EYS: variants seen among roughly 807,000 people sequenced by gnomAD.
EYS encodes the protein protein eyes shut homolog.
EYS carries 250 observed loss-of-function variants against 282.1 expected under a neutral mutation model. That is an observed-to-expected ratio of 0.89 (90% CI 0.80 to 0.98). The LOEUF (loss-of-function observed/expected upper bound fraction) is 0.98, where lower values mean the gene tolerates loss of function less well. Among genes scored for constraint, EYS ranks in the 50% least tolerant of loss-of-function variants. The pLI, the probability that EYS is intolerant of heterozygous loss-of-function variation, is 0.00. For synonymous variants in EYS, 1,355 were observed against 1,282.9 expected (o/e 1.06, Z -1.20); for missense variants, 4,016 against 3,709.0 (o/e 1.08, Z -2.15).
At position 64,398,382 on chromosome 6, in the gene EYS, C is replaced by A. The variant is rs976613060; in HGVS notation, c.5928-9542G>T. On this transcript the variant is annotated intron_variant, in intron 28 of 42. Coordinates refer to ENST00000503581, the MANE Select transcript of EYS (RefSeq NM_001142800.2). ...TCCTGTAAATTATTCTCTTTTAATT[C>A]TTTGAAATATGTTGACTCAGGCTGC... Among the ~76,000 whole-genome samples the A allele has an allele frequency of 4.6e-5, 7 of 151,758 alleles. No homozygotes were observed. In the South Asian group the frequency reaches 6.2e-4, roughly 13 times the overall value.
At chr6:63,771,046 G>A (rs1769915578) in intron 40 of EYS, among the ~76,000 whole-genome samples, 1 of 152,076 alleles carries the variant, frequency 6.6e-6, no homozygotes, top group African/African-American at 2.4e-5. Flanking sequence ...TTGTCTGTAG[G>A]CCTTATTTTG....
At chr6:63,887,727 C>T (rs796824295) in intron 35 of EYS, among the ~76,000 whole-genome samples, 12 of 152,060 alleles carry the variant, frequency 7.9e-5, no homozygotes, top group African/African-American at 2.6e-4. Context: ...CAAAACTGGG[C>T]AGCCGTTTGG....
intron 33 of EYS, among the ~76,000 whole-genome samples, chr6:64,002,701 G>C (rs1768153464): frequency 6.6e-6 from 1 of 152,140 alleles, no homozygotes; most frequent in Admixed American, 6.5e-5. Context: ...GAATGAAGAT[G>C]ATTTTGTGTG....
chr6:63,923,778 T>C (rs1764639419), intron 35 of EYS, among the ~76,000 whole-genome samples: 1 of 152,172 alleles, frequency 6.6e-6, no homozygotes, highest in Non-Finnish European at 1.5e-5. Flanking sequence ...CATCTTTATG[T>C]CTATGAGTAC....
chr6:63,880,643 G>T (rs890669413), intron 35 of EYS, among the ~76,000 whole-genome samples: 9 of 152,092 alleles, frequency 5.9e-5, no homozygotes, highest in Non-Finnish European at 1.3e-4. Flanking sequence ...CCTGAAGAAG[G>T]AACTACTGAT....
At chr6:64,964,187 T>C (rs2150107701) in intron 14 of EYS, among the ~76,000 whole-genome samples, 1 of 152,174 alleles carries the variant, frequency 6.6e-6, no homozygotes, top group South Asian at 2.1e-4. Flanking sequence ...GCTCAAATTT[T>C]AGTGAGATTT....
chr6:64,416,291 T>G (rs1774055910), intron 28 of EYS, among the ~76,000 whole-genome samples: 2 of 152,158 alleles, frequency 1.3e-5, no homozygotes, highest in Non-Finnish European at 2.9e-5. Context: ...TCAAAAAGAA[T>G]AAGAACCTAA....
At chr6:65,581,930 C>T (rs1316503929) in intron 2 of EYS, among the ~76,000 whole-genome samples, 1 of 151,878 alleles carries the variant, frequency 6.6e-6, no homozygotes, top group Non-Finnish European at 1.5e-5. Context: ...TGGCTCACAC[C>T]TGTCATCCCA....
rs1026248612 is a variant in EYS, at chr6:64,774,692, C to T, written c.3443+38686G>A. 2.6e-5 allele frequency among the ~76,000 whole-genome samples: 4 copies of T among 151,892 alleles called. No homozygotes were observed. The Admixed American group carries it at 2.6e-4, about 10-fold the overall frequency. On this transcript the variant is annotated intron_variant, in intron 22 of 42. Transcript: ENST00000503581. ...ATGTGCCTGCTGCTTAAGTCTCAGT[C>T]AGCCCTAATCTGGCCAATCAGATAG...
intron 1 of EYS, among the ~76,000 whole-genome samples, chr6:65,677,464 A>G (rs1421665439): frequency 3.9e-5 from 6 of 151,984 alleles, no homozygotes; most frequent in African/African-American, 9.7e-5. Context: ...AATACCATTT[A>G]CAATGACATC....
intron 22 of EYS, among the ~76,000 whole-genome samples, chr6:64,650,876 G>A (rs1395024982): frequency 1.3e-5 from 2 of 151,778 alleles, no homozygotes; most frequent in Admixed American, 6.6e-5. Context: ...TGAAAATCAT[G>A]AAGAAATCAC....
intron 31 of EYS, among the ~76,000 whole-genome samples, chr6:64,148,760 T>C (rs1774605953): frequency 6.6e-6 from 1 of 152,126 alleles, no homozygotes; most frequent in South Asian, 2.1e-4. Flanking sequence ...GTAAAACTCA[T>C]GTTAATAGTG....
intron 12 of EYS, among the ~76,000 whole-genome samples, chr6:65,243,272 A>G (rs1005419220): frequency 1.3e-5 from 2 of 152,040 alleles, no homozygotes; most frequent in Admixed American, 6.5e-5. Context: ...ATGTCACAAT[A>G]AAGTTAGCCA....
At chr6:64,052,821 T>G (rs555462229) in intron 33 of EYS, among the ~76,000 whole-genome samples, 35 of 152,268 alleles carry the variant, frequency 2.3e-4, no homozygotes, top group South Asian at 8.3e-4. Flanking sequence ...GCACTCATTC[T>G]CTCTTCTGCC....
chr6:65,392,807 C>A (rs1295975755), intron 7 of EYS, among the ~76,000 whole-genome samples: 1 of 151,072 alleles, frequency 6.6e-6, no homozygotes, highest in Non-Finnish European at 1.5e-5. Context: ...TTTGACCCAG[C>A]CATCCCATTA....
At chr6:64,186,445 GATGTTTAA>G (rs1300547168) in intron 31 of EYS, among the ~76,000 whole-genome samples, 1 of 152,102 alleles carries the variant, frequency 6.6e-6, no homozygotes, top group Admixed American at 6.6e-5. Flanking sequence ...TATCAGAGCA[GATGTTTAA>G]AACTTTTGTG....
chr6:64,151,346 TA>T (rs1562226730), intron 31 of EYS, among the ~76,000 whole-genome samples: 5 of 116,568 alleles, frequency 4.3e-5, no homozygotes, highest in African/African-American at 1.9e-4. Flanking sequence ...TATATATATA[TA>T]TATATATATA....
intron 36 of EYS, among the ~76,000 whole-genome samples, chr6:63,839,962 T>C (rs371198007): frequency 6.6e-6 from 1 of 152,078 alleles, no homozygotes; most frequent in African/African-American, 2.4e-5. Context: ...TGCTGATAAA[T>C]GATTTTGAGC....
intron 19 of EYS, among the ~76,000 whole-genome samples, chr6:64,845,136 T>C (rs544138147): frequency 1.6e-4 from 25 of 152,002 alleles, no homozygotes; most frequent in African/African-American, 5.8e-4. Flanking sequence ...AAAACAAATT[T>C]AAAAATTAGA....
Sources: allele counts gnomAD v4.1 joint callset (sites outside exome capture counted in the v4.1 genomes callset), GRCh38; gene constraint gnomAD v4.1.1; transcripts MANE v1.5; gene names NCBI Gene and HGNC (gene_info 2026-07-23, HGNC 2026-07-21).